KAZN: variants seen among roughly 807,000 people sequenced by gnomAD.
KAZN encodes the protein kazrin, periplakin interacting protein, also known as kazrin.
In KAZN, 40 loss-of-function variants were observed where a neutral mutation model predicts 87.4. The ratio of observed to expected loss-of-function variants is 0.46; its 90% confidence interval spans 0.36 to 0.60. The LOEUF is 0.60. Among genes scored for constraint, KAZN ranks in the 20% least tolerant of loss-of-function variants. The pLI is 0.00. For missense variants in KAZN, 898 were observed against 1,073.9 expected (o/e 0.84, Z 2.29); for synonymous variants, 466 against 458.3 (o/e 1.02, Z -0.22).
intron 1 of KAZN, among the ~76,000 whole-genome samples, chr1:14,648,506 A>C (rs1360825005): frequency 6.6e-6 from 1 of 152,206 alleles, no homozygotes; most frequent in Non-Finnish European, 1.5e-5. Context: ...ATCTAAAGGA[A>C]AAAACAGACT....
chr1:14,277,874 G>A (rs1464695002), intron 2 of KAZN, among the ~76,000 whole-genome samples: 1 of 151,868 alleles, frequency 6.6e-6, no homozygotes, highest in Non-Finnish European at 1.5e-5. Flanking sequence ...CTGCATTAGG[G>A]GTAGAGAGAT....
intron 1 of KAZN, among the ~76,000 whole-genome samples, chr1:14,074,944 C>T (rs538630261): frequency 2.2e-4 from 34 of 152,058 alleles, no homozygotes; most frequent in Non-Finnish European, 4.1e-4. Context: ...TGCTTTCATT[C>T]GTGTCAACTC....
intron 2 of KAZN, among the ~76,000 whole-genome samples, chr1:14,474,724 A>G (rs112725467): frequency 5.3e-5 from 8 of 152,366 alleles, no homozygotes; most frequent in African/African-American, 1.9e-4. Flanking sequence ...AATAGAAAGC[A>G]TGGAAGTAGG....
At chr1:14,486,097 G>A (rs756690918) in intron 2 of KAZN, among the ~76,000 whole-genome samples, 168 of 152,062 alleles carry the variant, frequency 1.1e-3, no homozygotes, top group Non-Finnish European at 2.1e-3. Flanking sequence ...CCAAGCTAAC[G>A]TGGCTAAGCT....
chr1:14,514,367 A>ATATAATT (rs1671107391), intron 2 of KAZN, among the ~76,000 whole-genome samples: 5 of 17,864 alleles, frequency 2.8e-4, no homozygotes, highest in East Asian at 2.2e-3. Context: ...ATATATATTT[A>ATATAATT]TATATATAAT....
intron 1 of KAZN, among the ~76,000 whole-genome samples, chr1:14,054,564 G>A (rs1642471721): frequency 6.6e-6 from 1 of 152,188 alleles, no homozygotes; most frequent in Admixed American, 6.5e-5. Context: ...GGAACCACAA[G>A]GATAAGGGTA....
rs191064211 is a variant in KAZN, at chr1:14,940,413, A to G, written c.227-20271A>G. 3.2e-3 allele frequency among the ~76,000 whole-genome samples: 490 copies of G among 152,320 alleles called. 3 individuals carry two copies. The highest frequency in any genetic ancestry group is 0.011 in the African/African-American group (472 of 41,560). On this transcript the variant is annotated intron_variant, in intron 1 of 14. Transcript: ENST00000376030. ...TGCCCTACACTTGAGGATCTTACAC[A>G]CTGAGTCTGTTTCCTTGACATGATG...
chr1:14,131,850 C>T (rs765972100), intron 1 of KAZN, among the ~76,000 whole-genome samples: 1 of 152,000 alleles, frequency 6.6e-6, no homozygotes, highest in Non-Finnish European at 1.5e-5. Flanking sequence ...GCTTGGTGGT[C>T]TCTGGCAAAT....
intron 2 of KAZN, among the ~76,000 whole-genome samples, chr1:14,551,480 T>C (rs1257098300): frequency 2.6e-5 from 4 of 152,178 alleles, no homozygotes; most frequent in Admixed American, 1.3e-4. Context: ...TCTGTGCAAT[T>C]TGTGTGCACA....
chr1:15,045,478 T>C lies in KAZN; in HGVS notation c.726+1319T>C, dbSNP rs564581066. ...CCGATCCCCTGCGCAGCTAAATCCATGTATAACTTTTGACTCCCCTAGAAG... is the reference window on the plus strand; with the variant it reads ...CCGATCCCCTGCGCAGCTAAATCCACGTATAACTTTTGACTCCCCTAGAAG... On this transcript the variant is annotated intron_variant, in intron 4 of 14. Transcript: ENST00000376030. Among the ~76,000 whole-genome samples the C allele has an allele frequency of 8.7e-4, 132 of 152,354 alleles. 2 individuals are homozygous for C. Among genetic ancestry groups the C allele is most frequent in the African/African-American group, 3.0e-3 (123 of 41,588 alleles).
At position 14,736,988 on chromosome 1, in the gene KAZN, C is replaced by T. The variant is rs887193742; in HGVS notation, c.226+137765C>T. ...CCGACTTTCTTATGAAAGAGATCGG[C>T]GATCGAGATCAATAAGGACGTAAGT... On this transcript the variant is annotated intron_variant, in intron 1 of 14. Coordinates refer to ENST00000376030, the MANE Select transcript of KAZN (RefSeq NM_201628.3). Among the ~76,000 whole-genome samples, 69 of 152,104 alleles carry T rather than the reference C, an allele frequency of 4.5e-4. 1 individual carries two copies. Among genetic ancestry groups the T allele is most frequent in the Admixed American group, 1.7e-3 (26 of 15,274 alleles).
intron 11 of KAZN, among the ~76,000 whole-genome samples, chr1:15,103,087 A>AC (rs1330965559): frequency 6.6e-6 from 1 of 152,158 alleles, no homozygotes; most frequent in Non-Finnish European, 1.5e-5. Context: ...ACATGGTGAA[A>AC]CCCCATCTCT....
At chr1:14,763,457 C>A (rs1312702411) in intron 1 of KAZN, among the ~76,000 whole-genome samples, 1 of 152,226 alleles carries the variant, frequency 6.6e-6, no homozygotes, top group Non-Finnish European at 1.5e-5. Context: ...CCCCCAATAA[C>A]ATTTGTACCC....
At chr1:14,471,177 A>G (rs1438116775) in intron 2 of KAZN, among the ~76,000 whole-genome samples, 2 of 152,178 alleles carry the variant, frequency 1.3e-5, no homozygotes, top group Non-Finnish European at 2.9e-5. Context: ...CATAAATGTT[A>G]TTGTTCTCAG....
At position 14,137,701 on chromosome 1, in the gene KAZN, C is replaced by CTTTTTTTTTTTTTTT. The variant is rs35819477; in HGVS notation, c.92-42724_92-42710dup. Among the ~76,000 whole-genome samples the CTTTTTTTTTTTTTTT allele has an allele frequency of 3.1e-5, 2 of 65,062 alleles. 1 individual carries two copies. 42.7% of individuals were successfully genotyped at this position (65,062 alleles called of 152,430 possible). On this transcript the variant is annotated intron_variant, in intron 1 of 16. Transcript: ENST00000636203. ...GAGTAAGCCTACAACAAATATAAGG[C>CTTTTTTTTTTTTTTT]TTTTTTTTTTTTTTTTTTTTTTTTG...
In KAZN at chr1:14,359,740, C is replaced by T. The variant is rs966816682; in HGVS notation, c.249+179148C>T. ...GAAATTCTGGGTTGAAATATCTTTT[C>T]TTTAAGAATGTTGAATATTGGCCCT... is the stretch of plus-strand genomic sequence containing the variant. On this transcript the variant is annotated intron_variant, in intron 2 of 16. Transcript: ENST00000636203. Among the ~76,000 whole-genome samples the T allele has an allele frequency of 3.9e-5, 6 of 152,182 alleles. No homozygotes were observed. In the South Asian group the frequency reaches 1.2e-3, roughly 31 times the overall value.
At chr1:14,082,264 T>G (rs3817949) in intron 1 of KAZN, among the ~76,000 whole-genome samples, 15,157 of 152,258 alleles carry the variant, frequency 0.1, 929 homozygotes, top group East Asian at 0.13. Flanking sequence ...GAGGTGTGCT[T>G]GGAATCAAAT....
At chr1:14,672,510 C>A (rs569743818) in intron 1 of KAZN, among the ~76,000 whole-genome samples, 2 of 152,200 alleles carry the variant, frequency 1.3e-5, no homozygotes, top group African/African-American at 2.4e-5. Context: ...AAAGCTCAGT[C>A]GTTTTAGATC....
chr1:14,729,415 C>A (rs953319214), intron 1 of KAZN, among the ~76,000 whole-genome samples: 1 of 152,214 alleles, frequency 6.6e-6, no homozygotes, highest in Admixed American at 6.5e-5. Flanking sequence ...TCTTCCCTCC[C>A]ACACTAATTG....
Sources: allele counts gnomAD v4.1 joint callset (sites outside exome capture counted in the v4.1 genomes callset), GRCh38; gene constraint gnomAD v4.1.1; transcripts MANE v1.5; gene names NCBI Gene and HGNC (gene_info 2026-07-23, HGNC 2026-07-21).